EML4: variants seen among roughly 807,000 people sequenced by gnomAD.
EML4 encodes echinoderm microtubule-associated protein-like 4.
In EML4, 72 loss-of-function variants were observed where a neutral mutation model predicts 129.0. The ratio of observed to expected loss-of-function variants is 0.56; its 90% CI spans 0.46 to 0.68. The LOEUF is 0.68. EML4 is among the 30% of genes least tolerant of loss of function. EML4 has a pLI of 0.00. For missense variants in EML4, 1,363 were observed against 1,190.6 expected (o/e 1.14, Z -2.13); for synonymous variants, 532 against 405.0 (o/e 1.31, Z -3.77).
intron 2 of EML4, among the ~76,000 whole-genome samples, chr2:42,247,173 G>A (rs1338455972): frequency 2.0e-5 from 3 of 152,174 alleles, no homozygotes; most frequent in African/African-American, 7.2e-5. Flanking sequence ...GGGAAATGGG[G>A]TGGTAATTGA....
chr2:42,169,595 G>A lies in EML4; in HGVS notation c.-17G>A, dbSNP rs372780901. On this transcript the variant is annotated 5_prime_UTR_variant, in exon 1 of 23. Coordinates refer to ENST00000318522, the MANE Select transcript of EML4 (RefSeq NM_019063.5). ...GCCCGCCCCTCTAAGCCCGGAGCCC[G>A]GCGCTTTCCCCGCAAGATGGACGGT... 6.3e-7 allele frequency: 1 copy of A among 1,598,836 alleles called. No individual in the cohort carries two copies. The highest frequency in any genetic ancestry group is 8.5e-7 in the Non-Finnish European group (1 of 1,174,268).
At chr2:42,176,894 A>G (rs1670637431) in intron 1 of EML4, among the ~76,000 whole-genome samples, 1 of 152,138 alleles carries the variant, frequency 6.6e-6, no homozygotes, top group Admixed American at 6.5e-5. Flanking sequence ...CCTGGGTTCA[A>G]GGAATTCTCC....
chr2:42,309,723 G>C (rs1269968284), intron 17 of EML4, among the ~76,000 whole-genome samples: 1 of 151,966 alleles, frequency 6.6e-6, no homozygotes, highest in Non-Finnish European at 1.5e-5. Flanking sequence ...GAAATCCTGT[G>C]CCCATCTTTG....
At chr2:42,294,420 G>A (rs1667830178) in intron 11 of EML4, among the ~76,000 whole-genome samples, 1 of 152,202 alleles carries the variant, frequency 6.6e-6, no homozygotes, top group Non-Finnish European at 1.5e-5. Context: ...TTGAGGCTGG[G>A]CGCAATGGCT....
intron 1 of EML4, among the ~76,000 whole-genome samples, chr2:42,174,410 C>T (rs1287231181): frequency 6.6e-6 from 1 of 152,038 alleles, no homozygotes; most frequent in East Asian, 1.9e-4. Flanking sequence ...CCTGCCTCAG[C>T]CTCCTGAGTA....
At chr2:42,260,986 T>C (rs896130948) in intron 3 of EML4, 135 bp from the exon 4 acceptor site, 33 of 615,332 alleles carry the variant, frequency 5.4e-5, no homozygotes, top group Non-Finnish European at 2.7e-5. Flanking sequence ...ATTGTCCTTA[T>C]TGAATGAAAA....
At chr2:42,219,084 AC>A (rs1673388985) in intron 1 of EML4, among the ~76,000 whole-genome samples, 1 of 152,204 alleles carries the variant, frequency 6.6e-6, no homozygotes, top group Non-Finnish European at 1.5e-5. Flanking sequence ...CACACCAATG[AC>A]TCTTGGCCAT....
chr2:42,185,498 G>T lies in EML4; in HGVS notation c.25+15862G>T, dbSNP rs1023762431. Among the ~76,000 whole-genome samples the T allele has an allele frequency of 2.0e-5, 3 of 152,134 alleles. No homozygotes were observed. The East Asian group carries it at 5.8e-4, about 29-fold the overall frequency. The stretch of plus-strand genomic sequence containing the variant: ...CAACCCTTGCTTAAGGTTGAAACTT[G>T]TTCAGCCTTGGGTTAAGGTTGAGCC... On this transcript the variant is annotated intron_variant, in intron 1 of 22. Transcript: ENST00000318522.
chr2:42,321,645 C>T (rs1253191520), intron 19 of EML4, among the ~76,000 whole-genome samples: 1 of 152,134 alleles, frequency 6.6e-6, no homozygotes, highest in African/African-American at 2.4e-5. Flanking sequence ...CACACAATGA[C>T]TTCTGCCACC....
At chr2:42,230,378 C>T (rs1030711953) in intron 1 of EML4, among the ~76,000 whole-genome samples, 1 of 151,096 alleles carries the variant, frequency 6.6e-6, no homozygotes, top group Non-Finnish European at 1.5e-5. Context: ...TCCACACTTA[C>T]CTATTAGCTC....
chr2:42,198,612 A>G (rs903211926), intron 1 of EML4, among the ~76,000 whole-genome samples: 2 of 152,182 alleles, frequency 1.3e-5, no homozygotes, highest in African/African-American at 4.8e-5. Context: ...GAATATTTCT[A>G]CCTGAAGTCT....
chr2:42,241,409 G>C (rs1453314203), intron 1 of EML4, among the ~76,000 whole-genome samples: 1 of 152,166 alleles, frequency 6.6e-6, no homozygotes, highest in Non-Finnish European at 1.5e-5. Context: ...GGGAACTTGA[G>C]AGTGAAAGAG....
At position 42,317,576 on chromosome 2, in the gene EML4, G is replaced by A. The variant is rs186457647; in HGVS notation, c.2154+52G>A. The stretch of plus-strand genomic sequence containing the variant: ...AAAATTATTGGGAAATTTTACTTCC[G>A]TTAAAAACAAATTTTTACATCGATG... On this transcript the variant is annotated intron_variant, in intron 19 of 22. Transcript: ENST00000318522. The A allele has an allele frequency of 1.7e-4, 221 of 1,295,014 alleles. 1 individual carries two copies. The Admixed American group carries it at 3.8e-3, about 22-fold the overall frequency. 80.2% of individuals were successfully genotyped at this position (1,295,014 alleles called of 1,614,324 possible).
At chr2:42,183,420 G>A (rs1392866244) in intron 1 of EML4, among the ~76,000 whole-genome samples, 1 of 152,096 alleles carries the variant, frequency 6.6e-6, no homozygotes, top group African/African-American at 2.4e-5. Flanking sequence ...TTTCTTAGAT[G>A]GTGGTGATAC....
rs528415124 is a variant in EML4 at position 42,172,002 on chromosome 2, A to G, written c.25+2366A>G. ...GAGTTACATTGATCTTTATTTTACCATCAGGAGAGCCATGAATATAAAGGC... is the reference window on the plus strand; with the variant it reads ...GAGTTACATTGATCTTTATTTTACCGTCAGGAGAGCCATGAATATAAAGGC... On this transcript the variant is annotated intron_variant, in intron 1 of 22. Transcript: ENST00000318522. Among the ~76,000 whole-genome samples the G allele has an allele frequency of 6.6e-5, 10 of 152,058 alleles. No individual in the cohort carries two copies. The South Asian group carries it at 2.1e-3, about 32-fold the overall frequency.
intron 9 of EML4, among the ~76,000 whole-genome samples, chr2:42,285,609 T>A (rs1220472544): frequency 6.6e-6 from 1 of 151,708 alleles, no homozygotes; most frequent in Non-Finnish European, 1.5e-5. Flanking sequence ...TTTTTTCTTT[T>A]TTTTTTTGAG....
intron 6 of EML4, 56 bp downstream of exon 6, chr2:42,264,787 C>G (rs2104398745): frequency 7.0e-7 from 1 of 1,428,468 alleles, no homozygotes. Context: ...TTAATTTTTG[C>G]TAATTGAAAA....
intron 9 of EML4, 78 bp downstream of exon 9, chr2:42,284,781 A>G: frequency 1.9e-6 from 2 of 1,051,898 alleles, no homozygotes. Context: ...TTTAACCACA[A>G]CTCATTTGTT....
chr2:42,188,243 G>A (rs2103882920), intron 1 of EML4, among the ~76,000 whole-genome samples: 1 of 152,244 alleles, frequency 6.6e-6, no homozygotes, highest in East Asian at 1.9e-4. Flanking sequence ...TGATAGTAAA[G>A]GTTTCAATTA....
Sources: gnomAD v4.1 joint callset for allele counts (sites outside exome capture counted in the v4.1 genomes callset) on GRCh38, gnomAD v4.1.1 for gene constraint, MANE v1.5 for transcripts, NCBI Gene and HGNC (gene_info 2026-07-23, HGNC 2026-07-21) for gene names.